PHYKPL: variants seen among roughly 807,000 people sequenced by gnomAD.
PHYKPL encodes the protein 5-phosphohydroxy-L-lysine phospho-lyase.
Under a neutral mutation model 51.3 loss-of-function variants are expected in PHYKPL, and 42 were observed. That is an observed-to-expected ratio of 0.82 (90% CI 0.64 to 1.06). The LOEUF (loss-of-function observed/expected upper bound fraction) is 1.06, where lower values mean the gene tolerates loss of function less well. Among genes scored for constraint, PHYKPL ranks in the 50% least tolerant of loss-of-function variants. The probability of loss-of-function intolerance (pLI) is 0.00; values close to 1 mark genes in which losing one functional copy is unlikely to be tolerated. For missense variants in PHYKPL, 655 were observed against 586.6 expected (o/e 1.12, Z -1.20); for synonymous variants, 264 against 236.0 (o/e 1.12, Z -1.09).
intron 10 of PHYKPL, among the ~76,000 whole-genome samples, chr5:178,214,494 G>A (rs769037098): frequency 6.6e-6 from 1 of 152,170 alleles, no homozygotes; most frequent in African/African-American, 2.4e-5. Context: ...TGAGTGCCCT[G>A]CTAGCTTGGG....
At chr5:178,209,525 C>T in intron 12 of PHYKPL, 1 of 1,271,034 alleles carries the variant, frequency 7.9e-7, no homozygotes, top group Non-Finnish European at 1.1e-6. Flanking sequence ...GGGGCTCCCT[C>T]TGGTGCTGTG....
intron 6 of PHYKPL, 191 bp downstream of exon 6, chr5:178,224,257 C>A (rs947395620): frequency 1.6e-6 from 1 of 628,398 alleles, no homozygotes; most frequent in East Asian, 3.0e-5. Context: ...CAGGCTCTGG[C>A]TGGCTACCAC....
chr5:178,226,240 T>TA (rs1423283531), intron 3 of PHYKPL, among the ~76,000 whole-genome samples: 1 of 152,036 alleles, frequency 6.6e-6, no homozygotes, highest in Non-Finnish European at 1.5e-5. Context: ...GATGCCCAGC[T>TA]AATTTTTCGT....
chr5:178,224,387 G>C (rs1220133486), intron 6 of PHYKPL, 61 bp downstream of exon 6: 3 of 1,450,932 alleles, frequency 2.1e-6, no homozygotes, highest in Non-Finnish European at 2.8e-6. Flanking sequence ...TAGCACAGTG[G>C]CGGTGACAAC....
intron 8 of PHYKPL, among the ~76,000 whole-genome samples, chr5:178,220,814 T>G (rs556996452): frequency 3.3e-5 from 5 of 152,140 alleles, no homozygotes; most frequent in African/African-American, 9.6e-5. Context: ...ATACAAAGAT[T>G]ATAAAGCAGT....
Position 178,214,822 on chromosome 5 carries a change from A to C in PHYKPL, c.1146T>G (p.Thr382=). The C allele has an allele frequency of 6.2e-7, 1 of 1,613,982 alleles. No homozygotes were observed. The highest frequency in any genetic ancestry group is 8.5e-7 in the Non-Finnish European group (1 of 1,180,010). The part of the protein sequence containing the change: ...IKDEATRTPA[T]EEAAYLVSRL... The stretch of plus-strand genomic sequence containing the variant: ...TTGATACCAAGTAGGCAGCCTCTTC[A>C]GTTGCTGGTGTCCTTGTGGCCTCAT... Residue 382 remains threonine (T), a synonymous_variant, in exon 10 of 13, where the codon ACT becomes ACG. Transcript: ENST00000308158.
rs774160730 is a variant in PHYKPL at position 178,222,376 on chromosome 5, G to A, written c.906C>T (p.Thr302=). 5.3e-5 allele frequency: 86 copies of A among 1,613,208 alleles called. No individual in the cohort carries two copies. Among genetic ancestry groups the A allele is most frequent in the Non-Finnish European group, 6.4e-5 (75 of 1,179,296 alleles). ...TQPVARAFEA[T]GVEYFNTFGG... ...TCACCGTGTTGAAGTACTCAACGCCGGTGGCTTCAAATGCCCTCGCCACAG... is the reference window on the plus strand; with the variant it reads ...TCACCGTGTTGAAGTACTCAACGCCAGTGGCTTCAAATGCCCTCGCCACAG... Residue 302 remains threonine, a synonymous_variant, in exon 8 of 13, where the codon ACC becomes ACT. Transcript: ENST00000308158.
downstream of PHYKPL, among the ~76,000 whole-genome samples, chr5:178,207,761 A>G (rs573864395): frequency 2.3e-3 from 317 of 140,548 alleles, no homozygotes; most frequent in Non-Finnish European, 4.0e-3. Flanking sequence ...GGGGTGCGGT[A>G]ACACAATCAT....
intron 10 of PHYKPL, 47 bp from the exon 11 acceptor site, chr5:178,213,150 A>G (rs768039024): frequency 6.2e-7 from 1 of 1,605,546 alleles, no homozygotes; most frequent in Non-Finnish European, 8.5e-7. Flanking sequence ...GGCCTTCCTC[A>G]GCCTGGCCTT....
chr5:178,230,465 T>C (rs1313658136), intron 2 of PHYKPL: 3 of 189,330 alleles, frequency 1.6e-5, no homozygotes, highest in Non-Finnish European at 3.3e-5. Context: ...CAAGTGGTCC[T>C]CCCACCTCAG....
chr5:178,224,578 C>G lies in PHYKPL; in HGVS notation c.502-14G>C. On this transcript the variant is annotated splice_polypyrimidine_tract_variant and intron_variant, in intron 5 of 12. Transcript: ENST00000308158. ...TGGGAGAGGTGCCTGTGGGGAGTGA[C>G]AGCGCCATGTTATCCGGGCTTGGGG... The G allele has an allele frequency of 1.2e-6, 2 of 1,614,146 alleles. No individual in the cohort carries two copies. Among genetic ancestry groups the G allele is most frequent in the South Asian group, 1.1e-5 (1 of 91,088 alleles).
intron 12 of PHYKPL, chr5:178,210,167 T>G: frequency 1.9e-6 from 3 of 1,613,852 alleles, no homozygotes; most frequent in Non-Finnish European, 2.5e-6. Context: ...CTACGGCAAC[T>G]ACTGGAACCA....
rs1762160156 is a variant in PHYKPL at position 178,225,766 on chromosome 5, G to C, written c.339-337C>G. 14 of 301,908 alleles carry C rather than the reference G, an allele frequency of 4.6e-5. No homozygotes were observed. In the South Asian group the frequency reaches 5.2e-4, roughly 11 times the overall value. 18.7% of individuals were successfully genotyped at this position (301,908 alleles called of 1,614,324 possible). A position where few individuals can be genotyped will look rare whatever the true frequency, so the allele number is the denominator to read the frequency against. ...AGACTTCTGTGACTCCAAAAAATATGTAAGGATTTCTCCCCACCACCAGGC... is the reference window on the plus strand; with the variant it reads ...AGACTTCTGTGACTCCAAAAAATATCTAAGGATTTCTCCCCACCACCAGGC... On this transcript the variant is annotated intron_variant, in intron 3 of 12. Transcript: ENST00000308158.
At position 178,224,644 on chromosome 5, in the gene PHYKPL, C is replaced by T. The variant is rs200070279; in HGVS notation, c.499G>A (p.Val167Met). The change falls in exon 5 of 13, where the codon GTG becomes ATG. Residue 167 changes from valine to methionine, a missense_variant and splice_region_variant. Val to Met is a conservative substitution (Grantham distance 21). Transcript: ENST00000308158. ...TTGTTGAGTTGGGCAGTGCATACCA[C>T]GTGGACCCACTCCTTCTGGCCATCC... ...NLDGQKEWVHVAPLPDTYRGP... is the reference protein window; with the variant it reads ...NLDGQKEWVHMAPLPDTYRGP... The T allele has an allele frequency of 7.1e-5, 114 of 1,614,224 alleles. No individual in the cohort carries two copies. Among genetic ancestry groups the T allele is most frequent in the Non-Finnish European group, 9.3e-5 (110 of 1,180,042 alleles).
At chr5:178,217,558 GA>G (rs869086983) in intron 8 of PHYKPL, among the ~76,000 whole-genome samples, 310 of 123,666 alleles carry the variant, frequency 2.5e-3, no homozygotes, top group Non-Finnish European at 2.4e-3. Flanking sequence ...AAGAATCAGT[GA>G]AAAAAAAAAA....
chr5:178,215,491 A>AG (rs1759591278), intron 8 of PHYKPL, 61 bp from the exon 9 acceptor site: 1 of 1,539,764 alleles, frequency 6.5e-7, no homozygotes, highest in Admixed American at 2.1e-5. Flanking sequence ...CCCCAGAGTG[A>AG]GGGTGAGGCA....
chr5:178,216,471 C>G (rs1249725289), intron 8 of PHYKPL: 1 of 152,118 alleles, frequency 6.6e-6, no homozygotes, highest in Non-Finnish European at 1.5e-5. Flanking sequence ...CAAGCAGAGA[C>G]TATAGTGGCC....
At chr5:178,222,610 G>A (rs1561717330) in intron 7 of PHYKPL, 30 bp from the exon 8 acceptor site, 6 of 1,606,580 alleles carry the variant, frequency 3.7e-6, no homozygotes, top group Admixed American at 1.7e-5. Context: ...TGACACGGGG[G>A]CTGTGGTTGA....
chr5:178,214,800 A>C lies in PHYKPL; in HGVS notation c.1168T>G (p.Ser390Ala). ...CTTGTTTCAAGAAGAAAATACCTTGATACCAAGTAGGCAGCCTCTTCAGTT... is the reference window on the plus strand; with the variant it reads ...CTTGTTTCAAGAAGAAAATACCTTGCTACCAAGTAGGCAGCCTCTTCAGTT... ...PATEEAAYLV[S>A]RLKENYVLLS... The change falls in exon 10 of 13, where the codon TCA (serine) becomes GCA (alanine). Residue 390 changes from serine to alanine, a missense_variant. Transcript: ENST00000308158. 6.2e-7 allele frequency: 1 copy of C among 1,613,920 alleles called. No homozygotes were observed. The highest frequency in any genetic ancestry group is 8.5e-7 in the Non-Finnish European group (1 of 1,179,956).
Sources: allele counts gnomAD v4.1 joint callset (sites outside exome capture counted in the v4.1 genomes callset), GRCh38; gene constraint gnomAD v4.1.1; transcripts MANE v1.5; gene names NCBI Gene and HGNC (gene_info 2026-07-23, HGNC 2026-07-21).